CBFA2T2: variants seen among roughly 807,000 people sequenced by gnomAD.
CBFA2T2 encodes the protein CBFA2/RUNX1 partner transcriptional co-repressor 2, also known as protein CBFA2T2.
Under a neutral mutation model 62.2 loss-of-function variants are expected in CBFA2T2, and 11 were observed. The observed-to-expected ratio is 0.18, with a 90% confidence interval of 0.11 to 0.29. CBFA2T2 has a LOEUF of 0.29. CBFA2T2 is among the 10% of genes least tolerant of loss of function. The pLI is 1.00. For synonymous variants in CBFA2T2, 295 were observed against 287.5 expected (o/e 1.03, Z -0.27); for missense variants, 592 against 774.1 (o/e 0.76, Z 2.79).
chr20:33,644,385 C>T lies in CBFA2T2; in HGVS notation c.1527C>T (p.Cys509=). The T allele has an allele frequency of 9.9e-6, 16 of 1,613,774 alleles. No individual in the cohort carries two copies. The highest frequency in any genetic ancestry group is 1.4e-5 in the Non-Finnish European group (16 of 1,179,664). Residue 509 remains cysteine, a synonymous_variant, in exon 11 of 11, where the codon TGC becomes TGT. Transcript: ENST00000342704. Reference sequence around the variant, plus strand: ...GTGGCCGCAAAGCCAGCGAGACATGCAGTGGCTGCAATATCGCGCGATACT... The same window carrying T: ...GTGGCCGCAAAGCCAGCGAGACATGTAGTGGCTGCAATATCGCGCGATACT... The part of the protein sequence containing the change: ...WNCGRKASET[C]SGCNIARYCG...
At chr20:33,539,945 ATTGGTGTG>A (rs1466164442) in intron 1 of CBFA2T2, among the ~76,000 whole-genome samples, 1 of 152,012 alleles carries the variant, frequency 6.6e-6, no homozygotes. Flanking sequence ...TGCTGGGATT[ATTGGTGTG>A]AGCCACCATG....
intron 1 of CBFA2T2, among the ~76,000 whole-genome samples, chr20:33,536,308 C>T (rs1305969123): frequency 1.4e-5 from 2 of 143,608 alleles, no homozygotes; most frequent in Admixed American, 6.9e-5. Flanking sequence ...GCTGACCCCC[C>T]CCACCTCCCT....
chr20:33,601,643 C>T (rs950764291), intron 1 of CBFA2T2, among the ~76,000 whole-genome samples: 2 of 152,068 alleles, frequency 1.3e-5, no homozygotes, highest in Non-Finnish European at 2.9e-5. Flanking sequence ...GTGTTCCTGT[C>T]ATTATAGGAA....
chr20:33,537,410 A>G (rs2012293350), intron 1 of CBFA2T2, among the ~76,000 whole-genome samples: 1 of 152,168 alleles, frequency 6.6e-6, no homozygotes, highest in Non-Finnish European at 1.5e-5. Context: ...TCAGGCAGGG[A>G]GGTTGCAGTG....
chr20:33,493,077 T>G (rs1373641039), intron 1 of CBFA2T2, among the ~76,000 whole-genome samples: 10 of 145,076 alleles, frequency 6.9e-5, no homozygotes, highest in South Asian at 4.5e-4. Flanking sequence ...GGTTTTTTTT[T>G]TTTTTTTTTT....
At chr20:33,523,283 A>T (rs554020474) in intron 1 of CBFA2T2, among the ~76,000 whole-genome samples, 21 of 151,192 alleles carry the variant, frequency 1.4e-4, no homozygotes, top group Admixed American at 9.9e-4. Context: ...TTATTTATTT[A>T]TTTTTTTTTA....
Position 33,611,158 on chromosome 20 carries a change from C to T in CBFA2T2, c.243C>T (p.Phe81=). ...GTGCCCCATCACCGCCACAGAGATT[C>T]AGCAATGGTCCTGCCTCCTCCACAT... is the stretch of plus-strand genomic sequence containing the variant. ...LNGAPSPPQR[F]SNGPASSTSS... Residue 81 remains phenylalanine (F), a synonymous_variant, in exon 3 of 11, where the codon TTC becomes TTT. Transcript: ENST00000342704. 1 of 1,614,218 alleles carries T rather than the reference C, an allele frequency of 6.2e-7. No individual in the cohort carries two copies.
rs1396678694 is a variant in CBFA2T2, at chr20:33,648,813, A to G, written c.*4167A>G. Reference sequence around the variant, plus strand: ...AGGAGTTCATCACTGCTTAGTGTCAACTTGACATCTTCAGCTTCCAGACAG... The same window carrying G: ...AGGAGTTCATCACTGCTTAGTGTCAGCTTGACATCTTCAGCTTCCAGACAG... On this transcript the variant is annotated 3_prime_UTR_variant, in exon 11 of 11. Transcript: ENST00000342704. 1 of 152,220 alleles carries G rather than the reference A, an allele frequency of 6.6e-6. No individual in the cohort carries two copies. The highest frequency in any genetic ancestry group is 1.9e-4 in the East Asian group (1 of 5,190). 9.4% of individuals were successfully genotyped at this position (152,220 alleles called of 1,614,324 possible).
At chr20:33,545,005 T>TAGAACAGAACAGAACAGAAC (rs1321591872) in intron 1 of CBFA2T2, among the ~76,000 whole-genome samples, 21 of 128,990 alleles carry the variant, frequency 1.6e-4, no homozygotes, top group African/African-American at 5.7e-4. Flanking sequence ...TAGAATAGAA[T>TAGAACAGAACAGAACAGAAC]AGAATAGAAC....
intron 1 of CBFA2T2, among the ~76,000 whole-genome samples, chr20:33,525,134 C>T (rs909168827): frequency 2.0e-5 from 3 of 151,806 alleles, no homozygotes; most frequent in African/African-American, 4.8e-5. Flanking sequence ...GTGCACCCGG[C>T]CGCTTTTTTT....
At chr20:33,558,751 T>C (rs113713396) in intron 1 of CBFA2T2, among the ~76,000 whole-genome samples, 3 of 152,274 alleles carry the variant, frequency 2.0e-5, no homozygotes, top group African/African-American at 4.8e-5. Context: ...AAAATGATGA[T>C]ATTCCAGATA....
chr20:33,494,485 G>C (rs1198425463), intron 1 of CBFA2T2, among the ~76,000 whole-genome samples: 1 of 149,304 alleles, frequency 6.7e-6, no homozygotes, highest in African/African-American at 2.5e-5. Context: ...GTTTCACCCT[G>C]TTAGCCAGGA....
chr20:33,562,889 A>T (rs898418109), intron 1 of CBFA2T2, among the ~76,000 whole-genome samples: 2 of 152,112 alleles, frequency 1.3e-5, no homozygotes, highest in Admixed American at 6.6e-5. Flanking sequence ...GCTTTTTTGA[A>T]TGCAAGGTTT....
intron 3 of CBFA2T2, among the ~76,000 whole-genome samples, chr20:33,619,193 A>G (rs1395687702): frequency 6.6e-6 from 1 of 152,142 alleles, no homozygotes; most frequent in African/African-American, 2.4e-5. Flanking sequence ...TAGACAACAT[A>G]GCGAGACTGC....
At chr20:33,535,014 G>A (rs2012167927) in intron 1 of CBFA2T2, among the ~76,000 whole-genome samples, 1 of 152,150 alleles carries the variant, frequency 6.6e-6, no homozygotes, top group Admixed American at 6.5e-5. Context: ...TTGACACAGG[G>A]TTGCCAGAAA....
Position 33,649,329 on chromosome 20 carries a change from C to T in CBFA2T2, c.*4683C>T, listed in dbSNP as rs1167115156. The T allele has an allele frequency of 6.6e-6, 1 of 152,648 alleles. No individual in the cohort carries two copies. The highest frequency in any genetic ancestry group is 2.4e-5 in the African/African-American group (1 of 41,458). 9.5% of individuals were successfully genotyped at this position (152,648 alleles called of 1,614,324 possible). ...GGGCTGTGCCAGCGGCTCCGCAGGG[C>T]CCTTCCAACTCTGGAGTGTCTGTAG... On this transcript the variant is annotated 3_prime_UTR_variant, in exon 11 of 11. Transcript: ENST00000342704.
chr20:33,630,866 A>G (rs1296033400), intron 8 of CBFA2T2, among the ~76,000 whole-genome samples: 2 of 152,244 alleles, frequency 1.3e-5, no homozygotes, highest in African/African-American at 4.8e-5. Flanking sequence ...TACAGTATGT[A>G]CAGACAGTGG....
chr20:33,557,004 C>A (rs1265486859), intron 1 of CBFA2T2, among the ~76,000 whole-genome samples: 5 of 46,212 alleles, frequency 1.1e-4, no homozygotes, highest in East Asian at 7.6e-4. Context: ...GCATGCTTAT[C>A]TTTTTTTTTT....
At chr20:33,497,286 A>AAAAG (rs2011211206) in intron 1 of CBFA2T2, among the ~76,000 whole-genome samples, 1 of 150,376 alleles carries the variant, frequency 6.6e-6, no homozygotes, top group East Asian at 1.9e-4. Context: ...AAAAAAAAAA[A>AAAAG]AAAAAAAAAA....
Sources: allele counts gnomAD v4.1 joint callset (sites outside exome capture counted in the v4.1 genomes callset), GRCh38; gene constraint gnomAD v4.1.1; transcripts MANE v1.5; gene names NCBI Gene and HGNC (gene_info 2026-07-23, HGNC 2026-07-21).